Variants in ADAMTSL3 observed in about 807,000 individuals in gnomAD.
ADAMTSL3 encodes the protein ADAMTS like 3.
Under a neutral mutation model 201.7 loss-of-function variants are expected in ADAMTSL3, and 128 were observed. That is an observed-to-expected ratio of 0.63 (90% CI 0.55 to 0.73). The LOEUF is 0.73. Among genes scored for constraint, ADAMTSL3 ranks in the 30% least tolerant of loss-of-function variants. The probability of loss-of-function intolerance (pLI) is 0.00; values close to 1 mark genes in which losing one functional copy is unlikely to be tolerated. For synonymous variants in ADAMTSL3, 738 were observed against 748.4 expected, an observed-to-expected ratio of 0.99 and a Z score of 0.23; for missense variants, 1,990 against 2,119.6, an observed-to-expected ratio of 0.94 and a Z score of 1.20.
At chr15:83,753,657 T>A (rs1167350315) in intron 3 of ADAMTSL3, among the ~76,000 whole-genome samples, 1 of 152,064 alleles carries the variant, frequency 6.6e-6, no homozygotes, top group Admixed American at 6.6e-5. Context: ...CTTGAAAAAC[T>A]GTGCTTTTTT....
intron 3 of ADAMTSL3, among the ~76,000 whole-genome samples, chr15:83,725,742 T>G (rs1050090171): frequency 5.9e-5 from 9 of 152,154 alleles, no homozygotes; most frequent in African/African-American, 1.7e-4. Flanking sequence ...CTCTATTCCT[T>G]TGGTCTATAT....
intron 4 of ADAMTSL3, among the ~76,000 whole-genome samples, chr15:83,784,431 T>G (rs1478094800): frequency 6.6e-6 from 1 of 152,232 alleles, no homozygotes; most frequent in Non-Finnish European, 1.5e-5. Context: ...GCTTACCCTA[T>G]GTATAGCAAT....
At chr15:83,767,407 A>G (rs1389451571) in intron 3 of ADAMTSL3, among the ~76,000 whole-genome samples, 2 of 152,332 alleles carry the variant, frequency 1.3e-5, no homozygotes, top group East Asian at 3.9e-4. Context: ...CCAAATAACA[A>G]CTTACCATAT....
intron 5 of ADAMTSL3, among the ~76,000 whole-genome samples, chr15:83,818,763 T>C (rs2063808672): frequency 6.6e-6 from 1 of 152,238 alleles, no homozygotes; most frequent in Non-Finnish European, 1.5e-5. Flanking sequence ...ATCAGTAATT[T>C]AGTAAAAAGA....
intron 13 of ADAMTSL3, among the ~76,000 whole-genome samples, chr15:83,897,258 C>T (rs917350183): frequency 2.1e-4 from 32 of 152,050 alleles, no homozygotes; most frequent in African/African-American, 7.5e-4. Flanking sequence ...CACAAAAATT[C>T]AGAAAAATAA....
At chr15:83,946,671 G>A (rs1327601285) in intron 19 of ADAMTSL3, among the ~76,000 whole-genome samples, 2 of 152,214 alleles carry the variant, frequency 1.3e-5, no homozygotes, top group Non-Finnish European at 2.9e-5. Context: ...CTTTAGAAGA[G>A]CTCAGGTCTG....
intron 15 of ADAMTSL3, among the ~76,000 whole-genome samples, chr15:83,912,283 G>T (rs2065948100): frequency 1.3e-5 from 2 of 152,174 alleles, no homozygotes; most frequent in Admixed American, 6.5e-5. Flanking sequence ...GGAAAAATGA[G>T]TGTGGTTATA....
At chr15:83,751,819 CA>C (rs2062641396) in intron 3 of ADAMTSL3, among the ~76,000 whole-genome samples, 1 of 152,108 alleles carries the variant, frequency 6.6e-6, no homozygotes, top group African/African-American at 2.4e-5. Flanking sequence ...CCACAGTGTT[CA>C]AGTGAGGAGT....
At chr15:83,780,276 G>A (rs1462890122) in intron 4 of ADAMTSL3, among the ~76,000 whole-genome samples, 1 of 151,954 alleles carries the variant, frequency 6.6e-6, no homozygotes, top group East Asian at 1.9e-4. Flanking sequence ...TGGGCATGGT[G>A]GCGGGCACCT....
chr15:83,889,384 G>A (rs1235705549), intron 10 of ADAMTSL3, among the ~76,000 whole-genome samples: 3 of 152,184 alleles, frequency 2.0e-5, no homozygotes, highest in Non-Finnish European at 4.4e-5. Context: ...ATCATAAAAT[G>A]TTATGAAAGA....
chr15:83,712,028 C>T (rs2061940253), intron 3 of ADAMTSL3, among the ~76,000 whole-genome samples: 1 of 152,168 alleles, frequency 6.6e-6, no homozygotes, highest in East Asian at 1.9e-4. Context: ...TCTGACAGGG[C>T]CCTTGCTGCT....
chr15:83,804,771 C>G, intron 5 of ADAMTSL3, 76 bp downstream of exon 5: 1 of 1,179,840 alleles, frequency 8.5e-7, no homozygotes, highest in South Asian at 1.6e-5. Context: ...AATGTGTACT[C>G]TAAAACTGAT....
At chr15:83,900,723 G>A (rs554526483) in intron 15 of ADAMTSL3, among the ~76,000 whole-genome samples, 60 of 152,214 alleles carry the variant, frequency 3.9e-4, no homozygotes, top group African/African-American at 1.3e-3. Flanking sequence ...TGAGCAACCC[G>A]TTATTTGCAA....
At chr15:83,757,500 G>A (rs2062741382) in intron 3 of ADAMTSL3, among the ~76,000 whole-genome samples, 1 of 152,194 alleles carries the variant, frequency 6.6e-6, no homozygotes, top group East Asian at 1.9e-4. Flanking sequence ...GGGGCCCTGG[G>A]CCCTGGCCCA....
At chr15:83,694,400 T>G (rs2061652629) in intron 2 of ADAMTSL3, 1 of 151,786 alleles carries the variant, frequency 6.6e-6, no homozygotes, top group African/African-American at 2.4e-5. Context: ...TTATCAAGAT[T>G]TGAGACAAAC....
chr15:83,784,225 A>G (rs960229486), intron 4 of ADAMTSL3, among the ~76,000 whole-genome samples: 1 of 152,110 alleles, frequency 6.6e-6, no homozygotes, highest in African/African-American at 2.4e-5. Context: ...ATTGAGTGAG[A>G]CCTTATGTGC....
intron 17 of ADAMTSL3, among the ~76,000 whole-genome samples, chr15:83,932,060 C>A (rs995389929): frequency 5.3e-5 from 8 of 152,156 alleles, no homozygotes; most frequent in African/African-American, 1.9e-4. Context: ...AAAGCTACCA[C>A]TCATGAAAAA....
At chr15:83,760,250 C>A (rs2062786685) in intron 3 of ADAMTSL3, among the ~76,000 whole-genome samples, 1 of 152,098 alleles carries the variant, frequency 6.6e-6, no homozygotes, top group South Asian at 2.1e-4. Flanking sequence ...TATTCATCTT[C>A]ATTCATTAAG....
At chr15:83,714,321 G>C (rs1162221653) in intron 3 of ADAMTSL3, among the ~76,000 whole-genome samples, 1 of 152,190 alleles carries the variant, frequency 6.6e-6, no homozygotes, top group Admixed American at 6.5e-5. Flanking sequence ...TGGGGGCACA[G>C]GTGTGTAGCT....
Sources: allele counts gnomAD v4.1 joint callset (sites outside exome capture counted in the v4.1 genomes callset), GRCh38; gene constraint gnomAD v4.1.1; transcripts MANE v1.5; gene names NCBI Gene and HGNC (gene_info 2026-07-23, HGNC 2026-07-21).